Variants in ODF2L observed in about 807,000 individuals in gnomAD.
The protein encoded by ODF2L is protein BCAP.
In ODF2L, 76 loss-of-function variants were observed where a neutral mutation model predicts 86.3. The observed-to-expected ratio is 0.88, with a 90% CI of 0.73 to 1.07. The LOEUF (loss-of-function observed/expected upper bound fraction) is 1.07, where lower values mean the gene tolerates loss of function less well. ODF2L is among the 50% of genes least tolerant of loss of function. The probability of loss-of-function intolerance (pLI) is 0.00; values close to 1 mark genes in which losing one functional copy is unlikely to be tolerated. For synonymous variants in ODF2L, 241 were observed against 231.3 expected, an observed-to-expected ratio of 1.04 and a Z score of -0.38; for missense variants, 748 against 717.4, an observed-to-expected ratio of 1.04 and a Z score of -0.49.
intron 7 of ODF2L, among the ~76,000 whole-genome samples, chr1:86,377,043 A>G (rs1440277564): frequency 1.3e-5 from 2 of 152,184 alleles, no homozygotes; most frequent in African/African-American, 4.8e-5. Context: ...TCTGCCTAGG[A>G]GCCAGTAAAA....
chr1:86,362,033 G>T (rs1374242841), intron 11 of ODF2L, among the ~76,000 whole-genome samples: 1 of 152,162 alleles, frequency 6.6e-6, no homozygotes, highest in Non-Finnish European at 1.5e-5. Flanking sequence ...AAAACTGATA[G>T]GAAGTGTGTC....
chr1:86,371,545 C>T (rs1457110050), intron 9 of ODF2L, among the ~76,000 whole-genome samples: 1 of 152,078 alleles, frequency 6.6e-6, no homozygotes, highest in Non-Finnish European at 1.5e-5. Flanking sequence ...TAAAACTAAA[C>T]TTTAGAAATG....
At chr1:86,354,585 T>A in exon 16 of ODF2L, 1 of 1,608,300 alleles carries the variant, frequency 6.2e-7, no homozygotes, top group Non-Finnish European at 8.5e-7. Flanking sequence ...TGCTGTATAC[T>A]CTGCAGATTT....
intron 1 of ODF2L, among the ~76,000 whole-genome samples, chr1:86,392,820 A>C (rs28396998): frequency 6.6e-6 from 1 of 152,238 alleles, no homozygotes; most frequent in Non-Finnish European, 1.5e-5. Context: ...GAAATAAAAA[A>C]TTTTAAAAAA....
chr1:86,387,248 C>A (rs1661020976), intron 1 of ODF2L, among the ~76,000 whole-genome samples, 162 bp from the exon 2 acceptor site: 1 of 152,268 alleles, frequency 6.6e-6, no homozygotes, highest in South Asian at 2.1e-4. Flanking sequence ...AAAATTGTAT[C>A]AAAATTTCAT....
At chr1:86,365,442 C>G (rs538422541) in intron 11 of ODF2L, among the ~76,000 whole-genome samples, 5 of 151,974 alleles carry the variant, frequency 3.3e-5, no homozygotes, top group Non-Finnish European at 7.4e-5. Context: ...CAGAGGGAGA[C>G]AAATTATACA....
intron 11 of ODF2L, among the ~76,000 whole-genome samples, chr1:86,363,416 T>G (rs1659180811): frequency 6.6e-6 from 1 of 152,174 alleles, no homozygotes; most frequent in African/African-American, 2.4e-5. Flanking sequence ...TGAGATTATT[T>G]ATAAAATTTG....
chr1:86,378,457 A>G (rs1660330017), intron 7 of ODF2L, among the ~76,000 whole-genome samples: 1 of 152,198 alleles, frequency 6.6e-6, no homozygotes, highest in South Asian at 2.1e-4. Context: ...GTATCTTTAT[A>G]GCAATACCCC....
intron 10 of ODF2L, chr1:86,368,800 G>C: frequency 8.3e-7 from 1 of 1,200,202 alleles, no homozygotes. Context: ...TAAAAACATT[G>C]GGAATAACCT....
At chr1:86,388,129 C>T (rs1032807419) in intron 1 of ODF2L, among the ~76,000 whole-genome samples, 5 of 151,860 alleles carry the variant, frequency 3.3e-5, no homozygotes, top group Admixed American at 6.6e-5. Context: ...AAGTGAAGTC[C>T]AAAAAGAACT....
In ODF2L at chr1:86,362,718, A is replaced by G. The variant is rs117316381; in HGVS notation, c.1144-2182T>C. ...TCTGTTGCCCAGGTTGGAGAGCAGTAGTGTGATCTGGGTTCACTGCAGCCT... is the reference window on the plus strand; with the variant it reads ...TCTGTTGCCCAGGTTGGAGAGCAGTGGTGTGATCTGGGTTCACTGCAGCCT... On this transcript the variant is annotated intron_variant, in intron 11 of 17. Transcript: ENST00000317336. Among the ~76,000 whole-genome samples the G allele has an allele frequency of 0.011, 1,706 of 152,176 alleles. 67 individuals are homozygous for G. The East Asian group carries it at 0.12, about 10-fold the overall frequency.
chr1:86,374,184 CT>C (rs1036247232), intron 8 of ODF2L, among the ~76,000 whole-genome samples: 10 of 152,020 alleles, frequency 6.6e-5, no homozygotes, highest in African/African-American at 2.4e-4. Context: ...ACGTGCAAGA[CT>C]TTTTTGTTTA....
Position 86,385,241 on chromosome 1 carries a change from G to A in ODF2L, c.246+217C>T, listed in dbSNP as rs539768877. Among the ~76,000 whole-genome samples, 9 of 151,968 alleles carry A rather than the reference G, an allele frequency of 5.9e-5. No homozygotes were observed. The South Asian group carries it at 8.3e-4, about 14-fold the overall frequency. On this transcript the variant is annotated intron_variant, in intron 3 of 17. Coordinates refer to ENST00000317336, the Ensembl canonical transcript of ODF2L. ...GTAATTCAAACATCCAAAATATATT[G>A]TTTCTAGCTTAGCCTCTTATCAGGT...
chr1:86,354,627 C>T (rs1658399353), exon 16 of ODF2L: 1 of 1,610,908 alleles, frequency 6.2e-7, no homozygotes, highest in African/African-American at 1.3e-5. Flanking sequence ...GTGCTTAAGA[C>T]ATTCTTCTTG....
At chr1:86,370,564 T>A (rs1284513207) in intron 10 of ODF2L, among the ~76,000 whole-genome samples, 1 of 152,120 alleles carries the variant, frequency 6.6e-6, no homozygotes, top group Non-Finnish European at 1.5e-5. Flanking sequence ...TCAAATATCT[T>A]TTTTTCTCAG....
At chr1:86,394,342 G>A (rs1661548790) in intron 1 of ODF2L, among the ~76,000 whole-genome samples, 1 of 151,652 alleles carries the variant, frequency 6.6e-6, no homozygotes, top group Non-Finnish European at 1.5e-5. Flanking sequence ...CTTGAACCCG[G>A]GAGGCGGACG....
Position 86,386,930 on chromosome 1 carries a change from T to C in ODF2L, c.98A>G (p.Glu33Gly), listed in dbSNP as rs759455419. The C allele has an allele frequency of 1.2e-5, 19 of 1,568,938 alleles. No individual in the cohort carries two copies. In the Middle Eastern group the frequency reaches 1.2e-3, roughly 98 times the overall value. The stretch of plus-strand genomic sequence containing the variant: ...ATGAGAATACCAGCTGAGATGACTT[T>C]CACTGGTACACCGTGGTAAATCTTC... Residue 33 changes from glutamate (E) to glycine (G), a missense_variant, in exon 2 of 18, where the codon GAA becomes GGA. Physicochemically the swap from Glu to Gly is moderately conservative, Grantham distance 98. Transcript: ENST00000317336.
At chr1:86,382,057 T>C (rs1002036879) in intron 7 of ODF2L, 185 bp downstream of exon 7, 2 of 720,176 alleles carry the variant, frequency 2.8e-6, no homozygotes, top group Non-Finnish European at 3.8e-6. Context: ...AGCATTTTTA[T>C]GTTGAAATTT....
intron 14 of ODF2L, 61 bp from the exon 14 acceptor site, chr1:86,354,920 C>G: frequency 1.1e-6 from 1 of 914,382 alleles, no homozygotes; most frequent in Admixed American, 2.1e-5. Flanking sequence ...CAAAGAAATC[C>G]ATATAATTTA....
Sources: allele counts gnomAD v4.1 joint callset (sites outside exome capture counted in the v4.1 genomes callset), GRCh38; gene constraint gnomAD v4.1.1; transcripts MANE v1.5; gene names NCBI Gene and HGNC (gene_info 2026-07-23, HGNC 2026-07-21).